The following ZNF138 variants were observed in gnomAD, a reference collection of about 807,000 sequenced individuals.
ZNF138 encodes the protein zinc finger protein 138 (clone pHZ-32).
A neutral mutation model predicts 33.0 loss-of-function variants in ZNF138; 33 were observed. The ratio of observed to expected loss-of-function variants is 1.00; its 90% CI spans 0.76 to 1.34. The LOEUF is 1.34. ZNF138 is among the 40% of genes most tolerant of loss of function. The pLI, the probability that ZNF138 is intolerant of heterozygous loss-of-function variation, is 0.00. For synonymous variants in ZNF138, 139 were observed against 120.4 expected (o/e 1.15, Z -1.01); for missense variants, 360 against 370.8 (o/e 0.97, Z 0.24).
intron 1 of ZNF138, among the ~76,000 whole-genome samples, chr7:64,795,400 C>T (rs2128980364): frequency 6.6e-6 from 1 of 152,230 alleles, no homozygotes; most frequent in African/African-American, 2.4e-5. Flanking sequence ...GACTCCTCCC[C>T]CTCCCCATTT....
intron 1 of ZNF138, chr7:64,814,225 G>A: frequency 2.5e-6 from 2 of 786,880 alleles, no homozygotes; most frequent in Non-Finnish European, 1.6e-6. Context: ...ACCAGATCTC[G>A]AGTTTATTGT....
the ZNF138 span, among the ~76,000 whole-genome samples, chr7:64,846,980 G>A: frequency 1.1e-4 from 16 of 152,086 alleles, no homozygotes; most frequent in Non-Finnish European, 2.2e-4. Context: ...AGGGATCCTG[G>A]AATTTTGTCA....
chr7:64,808,768 C>T (rs1787825761), intron 1 of ZNF138, among the ~76,000 whole-genome samples: 1 of 134,040 alleles, frequency 7.5e-6, no homozygotes, highest in African/African-American at 2.5e-5. Context: ...TCCCTGGGTA[C>T]TTGAGATTAG....
At chr7:64,852,616 G>A in the ZNF138 span, 8 of 1,493,726 alleles carry the variant, frequency 5.4e-6, no homozygotes, top group Non-Finnish European at 7.5e-6. Flanking sequence ...CGCCTGTCCT[G>A]TTGAGCCTCG....
chr7:64,826,436 T>C (rs1290103180), intron 3 of ZNF138, among the ~76,000 whole-genome samples: 40 of 152,034 alleles, frequency 2.6e-4, no homozygotes, highest in Non-Finnish European at 4.4e-5. Flanking sequence ...TGCACCACCA[T>C]GCCCGGCTAA....
chr7:64,822,095 A>G (rs1583865255), intron 3 of ZNF138, among the ~76,000 whole-genome samples: 1 of 150,062 alleles, frequency 6.7e-6, no homozygotes, highest in African/African-American at 2.5e-5. Flanking sequence ...ATTTTTTTGT[A>G]TTTTTAGTAG....
chr7:64,853,214 G>A, the ZNF138 span: 1 of 1,603,368 alleles, frequency 6.2e-7, no homozygotes, highest in Non-Finnish European at 8.5e-7. Context: ...CTTGGAAGTG[G>A]TTCTGTAAAG....
chr7:64,811,802 T>A (rs1788200644), intron 1 of ZNF138, among the ~76,000 whole-genome samples: 2 of 152,240 alleles, frequency 1.3e-5, no homozygotes, highest in African/African-American at 4.8e-5. Context: ...ATGCTAATAA[T>A]GAGCCCAAGG....
At chr7:64,846,444 G>A in the ZNF138 span, among the ~76,000 whole-genome samples, 1 of 152,194 alleles carries the variant, frequency 6.6e-6, no homozygotes, top group African/African-American at 2.4e-5. Flanking sequence ...TCTTTCAGTA[G>A]TGTTTTGTAG....
At chr7:64,822,679 A>T (rs555339528) in intron 3 of ZNF138, among the ~76,000 whole-genome samples, 1 of 152,136 alleles carries the variant, frequency 6.6e-6, no homozygotes, top group East Asian at 1.9e-4. Context: ...TGTTTTTGTT[A>T]CTGTAGCTTT....
chr7:64,808,911 A>G (rs2128993899), intron 1 of ZNF138, among the ~76,000 whole-genome samples: 2 of 141,156 alleles, frequency 1.4e-5, no homozygotes, highest in Admixed American at 1.5e-4. Flanking sequence ...GTAAGGTCAC[A>G]GATCAACAGG....
At chr7:64,797,296 A>T (rs768254546) in intron 1 of ZNF138, among the ~76,000 whole-genome samples, 1 of 152,220 alleles carries the variant, frequency 6.6e-6, no homozygotes, top group African/African-American at 2.4e-5. Context: ...TTTAATGGAT[A>T]TAATAAAATA....
At chr7:64,839,683 C>T in the ZNF138 span, among the ~76,000 whole-genome samples, 9 of 152,212 alleles carry the variant, frequency 5.9e-5, no homozygotes, top group Admixed American at 1.3e-4. Context: ...AGTAACCGGA[C>T]GAAATGGACC....
downstream of ZNF138, chr7:64,836,442 G>A (rs62458372): frequency 0.044 from 6,658 of 152,196 alleles, 209 homozygotes; most frequent in East Asian, 0.14. Flanking sequence ...AGGCTAAGTC[G>A]GATAACCCTG....
the ZNF138 span, among the ~76,000 whole-genome samples, chr7:64,859,363 C>T: frequency 4.6e-5 from 7 of 152,206 alleles, no homozygotes; most frequent in Middle Eastern, 3.4e-3. Flanking sequence ...TTTTTAGGTA[C>T]ATTAAGGACA....
chr7:64,805,816 TG>T (rs1273537575), intron 1 of ZNF138, among the ~76,000 whole-genome samples: 3 of 152,248 alleles, frequency 2.0e-5, no homozygotes, highest in Non-Finnish European at 4.4e-5. Flanking sequence ...GTCATGAAGA[TG>T]TGAAAAGTTT....
chr7:64,796,761 G>A (rs982743304), intron 1 of ZNF138, among the ~76,000 whole-genome samples: 1 of 152,166 alleles, frequency 6.6e-6, no homozygotes, highest in Non-Finnish European at 1.5e-5. Context: ...ATACATTTCC[G>A]GCGGGGTGCG....
At chr7:64,813,898 C>G (rs1416658630) in intron 1 of ZNF138, among the ~76,000 whole-genome samples, 2 of 152,142 alleles carry the variant, frequency 1.3e-5, no homozygotes, top group Non-Finnish European at 2.9e-5. Context: ...GGACAGATTT[C>G]TTTACTATAG....
chr7:64,836,505 A>T (rs1790369819), downstream of ZNF138: 1 of 149,756 alleles, frequency 6.7e-6, no homozygotes, highest in Non-Finnish European at 1.5e-5. Flanking sequence ...CTGGATACAT[A>T]AAAGTTCTGT....
Sources: allele counts gnomAD v4.1 joint callset (sites outside exome capture counted in the v4.1 genomes callset), GRCh38; gene constraint gnomAD v4.1.1; transcripts MANE v1.5; gene names NCBI Gene and HGNC (gene_info 2026-07-23, HGNC 2026-07-21).